AHRR: variants seen among roughly 807,000 people sequenced by gnomAD.
The protein encoded by AHRR is aryl hydrocarbon receptor repressor, also known as ahR repressor.
In AHRR, 28 loss-of-function variants were observed where a neutral mutation model predicts 44.0. That is an observed-to-expected ratio of 0.64 (90% CI 0.47 to 0.87). The LOEUF is 0.87. Ranked by LOEUF, AHRR falls within the 40% of genes least tolerant of loss-of-function variation. The pLI is 0.00. For synonymous variants in AHRR, 434 were observed against 407.0 expected (o/e 1.07, Z -0.80); for missense variants, 990 against 953.9 (o/e 1.04, Z -0.50).
At chr5:354,945 C>A (rs1742989536) in intron 3 of AHRR, among the ~76,000 whole-genome samples, 1 of 152,236 alleles carries the variant, frequency 6.6e-6, no homozygotes, top group Admixed American at 6.5e-5. Context: ...CCGTGTCCTG[C>A]CAGTGCCGGC....
chr5:389,479 A>C (rs1734314627), intron 4 of AHRR, among the ~76,000 whole-genome samples: 1 of 152,178 alleles, frequency 6.6e-6, no homozygotes, highest in Non-Finnish European at 1.5e-5. Flanking sequence ...CGGAAATCCC[A>C]ATGCGTGATG....
chr5:403,662 C>G, intron 4 of AHRR: 1 of 590,552 alleles, frequency 1.7e-6, no homozygotes, highest in Non-Finnish European at 2.9e-6. Flanking sequence ...AAAGTAACCA[C>G]TTTAAATAGT....
At chr5:353,473 T>C (rs1443167713) in intron 2 of AHRR, among the ~76,000 whole-genome samples, 1 of 152,182 alleles carries the variant, frequency 6.6e-6, no homozygotes, top group Non-Finnish European at 1.5e-5. Context: ...CTCCGTGCTC[T>C]GAGCTGCGGT....
chr5:423,413 G>A (rs1024732455), intron 6 of AHRR, among the ~76,000 whole-genome samples: 2 of 152,172 alleles, frequency 1.3e-5, no homozygotes. Context: ...AGTTGCATCT[G>A]GGCTCTGAGG....
At chr5:328,964 C>T (rs896053720) in intron 1 of AHRR, among the ~76,000 whole-genome samples, 1 of 152,042 alleles carries the variant, frequency 6.6e-6, no homozygotes, top group African/African-American at 2.4e-5. Context: ...GTGTCCCCAC[C>T]CAAATCTCAT....
chr5:410,928 A>G (rs933882160), intron 4 of AHRR, among the ~76,000 whole-genome samples: 5 of 151,922 alleles, frequency 3.3e-5, no homozygotes, highest in African/African-American at 7.2e-5. Context: ...TGTATTGACT[A>G]TCACTTTTAG....
In AHRR at chr5:370,045, G is replaced by A. The variant is rs1415543660; in HGVS notation, c.245-6565G>A. On this transcript the variant is annotated intron_variant, in intron 3 of 10. Transcript: ENST00000684583. The surrounding 1 kb of genome is among the most constrained non-coding windows in gnomAD (Gnocchi z 4.5). ...TCTGAGAGCACTGCCCTGCCCTCCC[G>A]GGCTCTTGCTGGTGCCCCATCCTCC... Among the ~76,000 whole-genome samples the A allele has an allele frequency of 2.0e-5, 3 of 152,234 alleles. No homozygotes were observed. Among genetic ancestry groups the A allele is most frequent in the South Asian group, 2.1e-4 (1 of 4,824 alleles).
intron 4 of AHRR, among the ~76,000 whole-genome samples, chr5:385,552 GTTGTCCACTATCTT>G (rs1370095595): frequency 2.6e-5 from 4 of 152,126 alleles, no homozygotes; most frequent in Non-Finnish European, 4.4e-5. Flanking sequence ...CTTTAAATTT[GTTGTCCACTATCTT>G]CTGGCCTCTG....
At position 338,496 on chromosome 5, in the gene AHRR, C is replaced by G. The variant is rs1285262947; in HGVS notation, c.-10-5397C>G. 6.6e-6 allele frequency among the ~76,000 whole-genome samples: 1 copy of G among 152,116 alleles called. No homozygotes were observed. Among genetic ancestry groups the G allele is most frequent in the African/African-American group, 2.4e-5 (1 of 41,414 alleles). ...CTTCTTGTTTCTGATGAGGAATCTGCTGTCATCTTATTTTTGATCCTTTGT... is the reference window on the plus strand; with the variant it reads ...CTTCTTGTTTCTGATGAGGAATCTGGTGTCATCTTATTTTTGATCCTTTGT... On this transcript the variant is annotated intron_variant, in intron 1 of 10. Transcript: ENST00000684583. The surrounding 1 kb of genome is among the most constrained non-coding windows in gnomAD (Gnocchi z 4.1).
rs566611516 is a variant in AHRR, at chr5:436,508, A to C, written c.*1674A>C. ...CCTGGTTCTTGGACAGTTTGCCCCC[A>C]TGTGGCAGGGATAGGGATAAGGATC... On this transcript the variant is annotated 3_prime_UTR_variant, in exon 11 of 11. Transcript: ENST00000684583. The C allele has an allele frequency of 1.3e-5, 2 of 152,360 alleles. No individual in the cohort carries two copies. Among genetic ancestry groups the C allele is most frequent in the African/African-American group, 4.8e-5 (2 of 41,440 alleles). The allele number at this position is 152,360 out of a possible 1,614,324, so 9.4% of individuals were successfully genotyped here. A position where few individuals can be genotyped will look rare whatever the true frequency, so the allele number is the denominator to read the frequency against.
At chr5:415,918 C>CAA (rs11406581) in intron 5 of AHRR, among the ~76,000 whole-genome samples, 2 of 151,948 alleles carry the variant, frequency 1.3e-5, no homozygotes, top group Non-Finnish European at 1.5e-5. Flanking sequence ...GGTGATTCTG[C>CAA]AAAAAAACTC....
intron 2 of AHRR, among the ~76,000 whole-genome samples, chr5:353,242 C>T (rs974253948): frequency 3.3e-5 from 5 of 152,198 alleles, no homozygotes; most frequent in African/African-American, 4.8e-5. Context: ...GCCTTGGGCA[C>T]GGCCCGGCTG....
At chr5:365,650 C>G (rs1743331603) in intron 3 of AHRR, among the ~76,000 whole-genome samples, 1 of 151,972 alleles carries the variant, frequency 6.6e-6, no homozygotes, top group African/African-American at 2.4e-5. Context: ...AAATGATAAA[C>G]TTTACAAAGA....
intron 3 of AHRR, 58 bp from the exon 4 acceptor site, chr5:376,552 A>AC: frequency 5.0e-6 from 7 of 1,411,500 alleles, no homozygotes; most frequent in South Asian, 2.8e-5. Context: ...ATGTGAATGA[A>AC]GAAGAGTGGC....
At chr5:420,713 G>C (rs1263151438) in intron 5 of AHRR, among the ~76,000 whole-genome samples, 1 of 152,160 alleles carries the variant, frequency 6.6e-6, no homozygotes, top group African/African-American at 2.4e-5. Context: ...ACCTTGCATG[G>C]AAGGCGGCCC....
Position 432,321 on chromosome 5 carries a change from A to T in AHRR, c.909-142A>T, listed in dbSNP as rs920788169. Reference sequence around the variant, plus strand: ...TCCACACTATAAAGAATTAAACAAGAGTGAACTATTGTTTCTGTCTTCACT... The same window carrying T: ...TCCACACTATAAAGAATTAAACAAGTGTGAACTATTGTTTCTGTCTTCACT... On this transcript the variant is annotated intron_variant, in intron 8 of 10. Transcript: ENST00000684583. The T allele has an allele frequency of 4.1e-6, 3 of 735,962 alleles. No homozygotes were observed. The African/African-American group carries it at 5.3e-5, about 13-fold the overall frequency. The allele number at this position is 735,962 out of a possible 1,614,324, so 45.6% of individuals were successfully genotyped here. A position where few individuals can be genotyped will look rare whatever the true frequency, so the allele number is the denominator to read the frequency against.
At chr5:384,402 T>C (rs1177856620) in intron 4 of AHRR, among the ~76,000 whole-genome samples, 10 of 152,208 alleles carry the variant, frequency 6.6e-5, no homozygotes, top group Admixed American at 6.5e-4. Context: ...ATGTATTATA[T>C]CTACATACAT....
At chr5:367,188 TC>T (rs955444007) in intron 3 of AHRR, among the ~76,000 whole-genome samples, 72 of 152,100 alleles carry the variant, frequency 4.7e-4, no homozygotes, top group Non-Finnish European at 2.2e-4. Context: ...TCGCCGCAGA[TC>T]CCCAGCTGCT....
intron 8 of AHRR, among the ~76,000 whole-genome samples, chr5:428,870 G>A (rs184266076): frequency 2.2e-4 from 34 of 152,328 alleles, no homozygotes; most frequent in African/African-American, 7.2e-4. Flanking sequence ...TCACAACAGG[G>A]TTCACAGTCC....
Sources: gnomAD v4.1 joint callset for allele counts (sites outside exome capture counted in the v4.1 genomes callset) on GRCh38, gnomAD v4.1.1 for gene constraint, Gnocchi (gnomAD v3.1) non-coding constraint, MANE v1.5 for transcripts, NCBI Gene and HGNC (gene_info 2026-07-23, HGNC 2026-07-21) for gene names.